Variants in CNTLN observed in about 807,000 individuals in gnomAD.
CNTLN encodes the protein centlein, centrosomal protein.
Under a neutral mutation model 180.0 loss-of-function variants are expected in CNTLN, and 212 were observed. The ratio of observed to expected loss-of-function variants is 1.18; its 90% CI spans 1.05 to 1.32. The LOEUF (loss-of-function observed/expected upper bound fraction) is 1.32, where lower values mean the gene tolerates loss of function less well. Ranked by LOEUF, CNTLN falls within the 40% of genes most tolerant of loss-of-function variation. The pLI is 0.00. For synonymous variants in CNTLN, 722 were observed against 563.1 expected, an observed-to-expected ratio of 1.28 and a Z score of -3.99; for missense variants, 2,095 against 1,610.9, an observed-to-expected ratio of 1.30 and a Z score of -5.14.
chr9:17,323,135 G>A (rs985612969), intron 8 of CNTLN, among the ~76,000 whole-genome samples: 1 of 152,088 alleles, frequency 6.6e-6, no homozygotes, highest in African/African-American at 2.4e-5. Context: ...ATAAAGGCTT[G>A]TGGATTTGCT....
chr9:17,268,309 C>G (rs995695707), intron 5 of CNTLN, among the ~76,000 whole-genome samples: 1 of 152,120 alleles, frequency 6.6e-6, no homozygotes, highest in Non-Finnish European at 1.5e-5. Context: ...CACTCCAGAC[C>G]CTGTTTGCCT....
chr9:17,312,167 A>G (rs984782187), intron 8 of CNTLN, among the ~76,000 whole-genome samples: 1 of 151,740 alleles, frequency 6.6e-6, no homozygotes, highest in Non-Finnish European at 1.5e-5. Context: ...ATTTCTACAA[A>G]TAAGCATTCG....
intron 13 of CNTLN, among the ~76,000 whole-genome samples, chr9:17,385,249 A>G (rs989934855): frequency 1.3e-5 from 2 of 152,004 alleles, no homozygotes; most frequent in Non-Finnish European, 2.9e-5. Context: ...ATTTCTCCAA[A>G]CTCCACAGAG....
chr9:17,388,164 C>T lies in CNTLN; in HGVS notation c.1990C>T (p.Gln664Ter), dbSNP rs1280640015. The T allele has an allele frequency of 1.9e-6, 3 of 1,600,782 alleles. No homozygotes were observed. The highest frequency in any genetic ancestry group is 1.7e-5 in the Admixed American group (1 of 59,794). Residue 664 changes from glutamine to a stop codon, truncating the protein, a stop_gained and splice_region_variant, in exon 14 of 26, where the codon CAG becomes TAG. Transcript: ENST00000380647. LOFTEE classifies it high-confidence loss of function. ...NRCVAERREE[Q>*]LFRSGEDDEV... is the part of the protein sequence containing the mutation. ...ATATATTATTTATTCTCTACCAGAA[C>T]AGCTCTTTAGATCTGGTGAAGATGA...
At chr9:17,448,203 A>G in intron 18 of CNTLN, 1 of 191,112 alleles carries the variant, frequency 5.2e-6, no homozygotes. Context: ...ACCCATTTGG[A>G]AATGCATTGT....
At chr9:17,470,289 C>A (rs1244374371) in intron 23 of CNTLN, among the ~76,000 whole-genome samples, 1 of 151,864 alleles carries the variant, frequency 6.6e-6, no homozygotes, top group Non-Finnish European at 1.5e-5. Context: ...GAACTATGTG[C>A]ATTCCTTAAT....
intron 16 of CNTLN, among the ~76,000 whole-genome samples, chr9:17,413,272 G>C (rs1315569591): frequency 6.6e-6 from 1 of 152,102 alleles, no homozygotes; most frequent in Non-Finnish European, 1.5e-5. Context: ...ATTTGAGGTG[G>C]CTCACATATA....
chr9:17,371,622 A>C (rs1015039406), intron 13 of CNTLN, among the ~76,000 whole-genome samples: 1 of 152,168 alleles, frequency 6.6e-6, no homozygotes. Flanking sequence ...AAATGGAGCT[A>C]ATATTTACAG....
At chr9:17,180,942 A>G (rs949547259) in intron 2 of CNTLN, among the ~76,000 whole-genome samples, 1 of 152,134 alleles carries the variant, frequency 6.6e-6, no homozygotes, top group East Asian at 1.9e-4. Context: ...TTTTTAGGTA[A>G]TAATGGTATT....
chr9:17,154,519 C>T (rs143971137), intron 2 of CNTLN, among the ~76,000 whole-genome samples: 3,212 of 152,312 alleles, frequency 0.021, 124 homozygotes, highest in African/African-American at 0.074. Flanking sequence ...GAAGCTTCGA[C>T]CCAGTGGGGC....
intron 2 of CNTLN, among the ~76,000 whole-genome samples, chr9:17,211,344 T>G (rs1299783896): frequency 2.0e-5 from 3 of 152,202 alleles, no homozygotes; most frequent in African/African-American, 4.8e-5. Context: ...TTTGTCAGGT[T>G]TGTCAAAGAT....
chr9:17,398,531 T>C (rs933205462), intron 15 of CNTLN, among the ~76,000 whole-genome samples: 6 of 152,222 alleles, frequency 3.9e-5, no homozygotes, highest in Admixed American at 6.5e-5. Context: ...GTATGAAACA[T>C]GCAGTGGAAT....
At chr9:17,321,208 A>C (rs1028973233) in intron 8 of CNTLN, among the ~76,000 whole-genome samples, 3 of 152,204 alleles carry the variant, frequency 2.0e-5, no homozygotes, top group African/African-American at 7.2e-5. Flanking sequence ...AATATTCGTC[A>C]CAGTATATTA....
downstream of CNTLN, among the ~76,000 whole-genome samples, chr9:17,504,442 A>G (rs779457229): frequency 3.9e-5 from 6 of 152,222 alleles, no homozygotes; most frequent in Non-Finnish European, 5.9e-5. Flanking sequence ...AAACAAAGAC[A>G]GTGTACAAAA....
intron 18 of CNTLN, among the ~76,000 whole-genome samples, chr9:17,443,152 G>A (rs751501648): frequency 2.0e-5 from 3 of 152,136 alleles, no homozygotes; most frequent in Non-Finnish European, 2.9e-5. Context: ...TGTTGTACTT[G>A]AGTACCTAAC....
intron 13 of CNTLN, among the ~76,000 whole-genome samples, chr9:17,370,582 AG>A (rs933339171): frequency 7.9e-5 from 12 of 152,232 alleles, no homozygotes; most frequent in Non-Finnish European, 1.8e-4. Context: ...AATCAGAAAA[AG>A]GATATTAATG....
intron 23 of CNTLN, among the ~76,000 whole-genome samples, chr9:17,475,922 G>A (rs1832315990): frequency 6.7e-6 from 1 of 149,742 alleles, no homozygotes; most frequent in South Asian, 2.1e-4. Flanking sequence ...CTTAAATACA[G>A]ACATACCTCA....
chr9:17,172,342 T>C (rs1820473171), intron 2 of CNTLN, among the ~76,000 whole-genome samples: 1 of 152,162 alleles, frequency 6.6e-6, no homozygotes, highest in South Asian at 2.1e-4. Flanking sequence ...GCTGTGTAGC[T>C]GATACTGATT....
chr9:17,389,510 A>G (rs1047068499), intron 14 of CNTLN, among the ~76,000 whole-genome samples: 1 of 152,162 alleles, frequency 6.6e-6, no homozygotes. Flanking sequence ...GTAGATCCAG[A>G]CATCCATTTT....
Sources: gnomAD v4.1 joint callset for allele counts (sites outside exome capture counted in the v4.1 genomes callset) on GRCh38, gnomAD v4.1.1 for gene constraint, MANE v1.5 for transcripts, NCBI Gene and HGNC (gene_info 2026-07-23, HGNC 2026-07-21) for gene names.